Variants in PRKG1 observed in about 807,000 individuals in gnomAD.
PRKG1 encodes the protein protein kinase cGMP-dependent 1, also known as cGMP-dependent protein kinase 1.
A neutral mutation model predicts 88.1 loss-of-function variants in PRKG1; 35 were observed. The ratio of observed to expected loss-of-function variants is 0.40; its 90% CI spans 0.30 to 0.53. PRKG1 has a LOEUF of 0.53. Ranked by LOEUF, PRKG1 falls within the 20% of genes least tolerant of loss-of-function variation. The probability of loss-of-function intolerance (pLI) is 0.59; values close to 1 mark genes in which losing one functional copy is unlikely to be tolerated. For missense variants in PRKG1, 540 were observed against 839.8 expected (o/e 0.64, Z 4.41); for synonymous variants, 303 against 292.5 (o/e 1.04, Z -0.37).
intron 4 of PRKG1, among the ~76,000 whole-genome samples, chr10:51,885,509 G>C (rs1319290048): frequency 5.9e-5 from 9 of 152,172 alleles, no homozygotes; most frequent in Non-Finnish European, 1.3e-4. Flanking sequence ...CCCATTCTCT[G>C]TTCTAGCTCC....
intron 1 of PRKG1, among the ~76,000 whole-genome samples, chr10:51,122,633 T>C (rs1347225343): frequency 6.6e-6 from 1 of 152,180 alleles, no homozygotes; most frequent in Non-Finnish European, 1.5e-5. Context: ...AGACATATCC[T>C]TCTTGGTTTT....
intron 2 of PRKG1, among the ~76,000 whole-genome samples, chr10:51,291,597 A>G (rs1342918435): frequency 6.6e-6 from 1 of 152,130 alleles, no homozygotes; most frequent in Admixed American, 6.6e-5. Flanking sequence ...CTTGCAATCA[A>G]TCACCGCTGA....
In PRKG1 at chr10:51,339,978, T is replaced by G. The variant is rs1293694366; in HGVS notation, c.479-127745T>G. ...TAAGGCTTTTATCTTTCAAAAAGAT[T>G]TCACCAACTTATACTTCCATCAGTA... On this transcript the variant is annotated intron_variant, in intron 2 of 17. Transcript: ENST00000373980. 2.6e-5 allele frequency among the ~76,000 whole-genome samples: 4 copies of G among 152,254 alleles called. No individual in the cohort carries two copies. The East Asian group carries it at 7.7e-4, about 29-fold the overall frequency.
At chr10:51,745,868 G>A (rs966932947) in intron 3 of PRKG1, among the ~76,000 whole-genome samples, 3 of 151,942 alleles carry the variant, frequency 2.0e-5, no homozygotes, top group Non-Finnish European at 2.9e-5. Context: ...AAAATACACA[G>A]GGGTCTCATG....
chr10:51,181,140 T>C (rs1026684951), intron 2 of PRKG1, among the ~76,000 whole-genome samples: 16 of 151,172 alleles, frequency 1.1e-4, no homozygotes, highest in East Asian at 3.9e-4. Flanking sequence ...TCCCAACCCA[T>C]TGCAAAAACA....
chr10:51,237,787 T>C (rs1431369989), intron 2 of PRKG1, among the ~76,000 whole-genome samples: 2 of 152,038 alleles, frequency 1.3e-5, no homozygotes, highest in Admixed American at 1.3e-4. Context: ...CATGTATTTC[T>C]GAAAAAAAAA....
chr10:51,374,255 C>A (rs1842772101), intron 2 of PRKG1, among the ~76,000 whole-genome samples: 1 of 149,062 alleles, frequency 6.7e-6, no homozygotes, highest in Non-Finnish European at 1.5e-5. Flanking sequence ...ACCCCCAACC[C>A]CCGACAGGCC....
chr10:51,371,834 G>A (rs1331649276), intron 2 of PRKG1, among the ~76,000 whole-genome samples: 2 of 152,016 alleles, frequency 1.3e-5, no homozygotes, highest in Non-Finnish European at 2.9e-5. Context: ...CTGCTTTTTG[G>A]AAATGATTGA....
intron 5 of PRKG1, among the ~76,000 whole-genome samples, chr10:51,920,602 G>A (rs539993856): frequency 2.6e-5 from 4 of 151,770 alleles, no homozygotes; most frequent in East Asian, 1.9e-4. Context: ...TCTTTATATC[G>A]CCATATAATT....
chr10:51,707,322 C>T (rs1306923143), intron 3 of PRKG1, among the ~76,000 whole-genome samples: 3 of 150,668 alleles, frequency 2.0e-5, no homozygotes, highest in Non-Finnish European at 3.0e-5. Context: ...CCACATCGTT[C>T]TGCCACACAA....
At chr10:51,742,410 T>G (rs1299947593) in intron 3 of PRKG1, among the ~76,000 whole-genome samples, 2 of 152,182 alleles carry the variant, frequency 1.3e-5, no homozygotes, top group Admixed American at 1.3e-4. Context: ...TGCCGCTTAA[T>G]AGCCGTGAGA....
At chr10:52,278,969 CATTTT>C (rs1841939212) in intron 12 of PRKG1, among the ~76,000 whole-genome samples, 1 of 151,366 alleles carries the variant, frequency 6.6e-6, no homozygotes, top group Non-Finnish European at 1.5e-5. Flanking sequence ...TTTACTCTTT[CATTTT>C]GTTTTGTTTT....
intron 3 of PRKG1, among the ~76,000 whole-genome samples, chr10:51,726,002 A>C (rs1033402287): frequency 3.3e-5 from 5 of 152,226 alleles, no homozygotes; most frequent in Admixed American, 2.0e-4. Context: ...CTAGGTGAGC[A>C]ATGCCCTAAA....
At chr10:51,399,203 T>C (rs1837665109) in intron 2 of PRKG1, among the ~76,000 whole-genome samples, 1 of 151,922 alleles carries the variant, frequency 6.6e-6, no homozygotes, top group Non-Finnish European at 1.5e-5. Context: ...GAAGGATAAT[T>C]TTATATGTTA....
intron 3 of PRKG1, among the ~76,000 whole-genome samples, chr10:51,540,700 A>G (rs1009748073): frequency 6.6e-6 from 1 of 151,750 alleles, no homozygotes; most frequent in African/African-American, 2.4e-5. Context: ...TCATCTTTCC[A>G]GTATAGTAGT....
intron 7 of PRKG1, among the ~76,000 whole-genome samples, chr10:52,119,934 A>G (rs35705453): frequency 7.6e-6 from 1 of 131,624 alleles, no homozygotes; most frequent in Non-Finnish European, 1.8e-5. Context: ...AAAGAGCGAG[A>G]CAGAGAGACA....
At chr10:52,003,856 C>T (rs1439132031) in intron 5 of PRKG1, among the ~76,000 whole-genome samples, 3 of 152,198 alleles carry the variant, frequency 2.0e-5, no homozygotes, top group Non-Finnish European at 4.4e-5. Flanking sequence ...TAGCTTAGTG[C>T]TCATGAGTAG....
chr10:51,990,384 G>T (rs556566345), intron 5 of PRKG1, among the ~76,000 whole-genome samples: 9 of 152,166 alleles, frequency 5.9e-5, no homozygotes, highest in Admixed American at 3.9e-4. Flanking sequence ...TTGATATTGT[G>T]ATAAGGATTG....
intron 3 of PRKG1, chr10:51,696,544 T>C (rs1841297814): frequency 6.6e-6 from 1 of 152,022 alleles, no homozygotes; most frequent in Non-Finnish European, 1.5e-5. Context: ...GCCTGGTTGA[T>C]TTTAGATTTG....
Sources: allele counts gnomAD v4.1 joint callset (sites outside exome capture counted in the v4.1 genomes callset), GRCh38; gene constraint gnomAD v4.1.1; transcripts MANE v1.5; gene names NCBI Gene and HGNC (gene_info 2026-07-23, HGNC 2026-07-21).